Variants in SLC6A3 observed in about 807,000 individuals in gnomAD.
The protein encoded by SLC6A3 is sodium-dependent dopamine transporter.
SLC6A3 carries 19 observed loss-of-function variants against 70.4 expected under a neutral mutation model. The observed-to-expected ratio is 0.27, with a 90% CI of 0.19 to 0.40. The LOEUF is 0.40. SLC6A3 is among the 10% of genes least tolerant of loss of function. The pLI is 1.00. For synonymous variants in SLC6A3, 368 were observed against 356.6 expected, an observed-to-expected ratio of 1.03 and a Z score of -0.36; for missense variants, 613 against 838.5, an observed-to-expected ratio of 0.73 and a Z score of 3.32.
In SLC6A3 at chr5:1,406,274, T is replaced by TGAGGGA; in HGVS notation, c.1512_1513insTCCCTC (p.Ser505_Asp506insLeuSer). 1 of 1,612,902 alleles carries TGAGGGA rather than the reference T, an allele frequency of 6.2e-7. No individual in the cohort carries two copies. Among genetic ancestry groups the TGAGGGA allele is most frequent in the Non-Finnish European group, 8.5e-7 (1 of 1,179,920 alleles). ...CCGGTCATCTGCTGGATGTCGTCGCTGAACTGCCCAACACCTGAGGGAGAA... is the reference window on the plus strand; with the variant it reads ...CCGGTCATCTGCTGGATGTCGTCGCTGAGGGAGAACTGCCCAACACCTGAGGGAGAA... On this transcript the variant is annotated inframe_insertion, in exon 12 of 15. Transcript: ENST00000270349. The surrounding 1 kb of genome is among the most constrained non-coding windows in gnomAD (Gnocchi z 8.8).
intron 3 of SLC6A3, among the ~76,000 whole-genome samples, chr5:1,434,467 A>G (rs1367550512): frequency 1.3e-5 from 2 of 152,252 alleles, no homozygotes. Context: ...GTAAACTGGA[A>G]CAGAACTCAG....
Position 1,436,271 on chromosome 5 carries a change from C to T in SLC6A3, c.419-3573G>A, listed in dbSNP as rs1465338154. 5.9e-5 allele frequency among the ~76,000 whole-genome samples: 9 copies of T among 152,238 alleles called. No homozygotes were observed. The highest frequency in any genetic ancestry group is 2.1e-4 in the South Asian group (1 of 4,832). On this transcript the variant is annotated intron_variant, in intron 3 of 14. Transcript: ENST00000270349. This position sits in a 1 kb window ranked among gnomAD's most constrained non-coding sequence, Gnocchi z 5.2. ...TCCTCAAGCTCACCGAAGGCCCAGA[C>T]GCAGGAAACCCACTACCCTGTTGGC...
At position 1,441,278 on chromosome 5, in the gene SLC6A3, C is replaced by T. The variant is rs147416541; in HGVS notation, c.418+81G>A. The T allele has an allele frequency of 9.7e-4, 1,525 of 1,566,352 alleles. 4 individuals are homozygous for T. The highest frequency in any genetic ancestry group is 2.4e-3 in the Middle Eastern group (12 of 5,066). ...AAAGCAGGGCTGGATGCCCATGATGCGGCTGGCTTGCTTTGAAAGCTCCAG... is the reference window on the plus strand; with the variant it reads ...AAAGCAGGGCTGGATGCCCATGATGTGGCTGGCTTGCTTTGAAAGCTCCAG... On this transcript the variant is annotated intron_variant, in intron 3 of 14. Transcript: ENST00000270349.
intron 4 of SLC6A3, among the ~76,000 whole-genome samples, chr5:1,424,867 G>C (rs1006824202): frequency 2.6e-5 from 4 of 152,230 alleles, no homozygotes; most frequent in African/African-American, 9.6e-5. Context: ...GGACACTCCT[G>C]AGTGCTGTCA....
At chr5:1,400,850 G>A in intron 14 of SLC6A3, 65 bp downstream of exon 14, 1 of 1,259,114 alleles carries the variant, frequency 7.9e-7, no homozygotes, top group Non-Finnish European at 1.1e-6. Flanking sequence ...TGGGGGCTAA[G>A]AACACTGAGC....
chr5:1,427,323 G>T (rs1266397474), intron 4 of SLC6A3, among the ~76,000 whole-genome samples: 1 of 152,234 alleles, frequency 6.6e-6, no homozygotes, highest in African/African-American at 2.4e-5. Context: ...ACGGTATCAT[G>T]TCACTTGAAG....
At chr5:1,430,168 C>T (rs578228270) in intron 4 of SLC6A3, among the ~76,000 whole-genome samples, 2 of 152,102 alleles carry the variant, frequency 1.3e-5, no homozygotes, top group Admixed American at 6.6e-5. Flanking sequence ...CTCCCATGAG[C>T]GTCTTCCTGG....
rs115282473 is a variant in SLC6A3 at position 1,414,729 on chromosome 5, T to C, written c.1118A>G (p.Gln373Arg). The C allele has an allele frequency of 4.3e-5, 69 of 1,612,798 alleles. No homozygotes were observed. In the African/African-American group the frequency reaches 8.3e-4, roughly 19 times the overall value. The part of the protein sequence containing the change: ...VVFSFLGYMA[Q>R]KHSVPIGDVA... The stretch of plus-strand genomic sequence containing the variant: ...GTCCCCGATGGGCACACTGTGCTTC[T>C]GTGCCATGTACCCCAGGAAGGAGAA... Residue 373 changes from glutamine to arginine, a missense_variant, in exon 8 of 15, where the codon CAG (glutamine) becomes CGG (arginine). Gln to Arg is a conservative substitution (Grantham distance 43). This residue lies in a region of SLC6A3 where 348 missense variants were observed against 481.2 expected (regional missense o/e 0.72). Coordinates refer to ENST00000270349, the MANE Select transcript of SLC6A3 (RefSeq NM_001044.5).
chr5:1,444,572 G>A (rs956359359), intron 1 of SLC6A3, among the ~76,000 whole-genome samples: 1 of 152,240 alleles, frequency 6.6e-6, no homozygotes, highest in Non-Finnish European at 1.5e-5. Flanking sequence ...CACGAGCTAT[G>A]CCACGCACCC....
rs965701004 is a variant in SLC6A3 at position 1,402,745 on chromosome 5, C to T, written c.1767+177G>A. Among the ~76,000 whole-genome samples, 3 of 152,110 alleles carry T rather than the reference C, an allele frequency of 2.0e-5. No individual in the cohort carries two copies. Among genetic ancestry groups the T allele is most frequent in the South Asian group, 2.1e-4 (1 of 4,828 alleles). On this transcript the variant is annotated intron_variant, in intron 13 of 14. Transcript: ENST00000270349. This position sits in a 1 kb window ranked among gnomAD's most constrained non-coding sequence, Gnocchi z 8.5. The stretch of plus-strand genomic sequence containing the variant: ...ACATATGGACGCACACCCATGGGCC[C>T]GGGCGTGCAGGTGGACACACACACG...
intron 4 of SLC6A3, among the ~76,000 whole-genome samples, chr5:1,423,942 C>T (rs1269993924): frequency 6.6e-6 from 1 of 152,208 alleles, no homozygotes; most frequent in African/African-American, 2.4e-5. Flanking sequence ...CATGGTGGAG[C>T]CCGGCCGAAT....
chr5:1,440,211 CAGAT>C (rs1336676767), intron 3 of SLC6A3, among the ~76,000 whole-genome samples: 3 of 151,496 alleles, frequency 2.0e-5, no homozygotes, highest in Non-Finnish European at 2.9e-5. Flanking sequence ...CAATGGATAA[CAGAT>C]GGATGAATGG....
In SLC6A3 at chr5:1,404,109, T is replaced by C. The variant is rs747025070; in HGVS notation, c.1600-1020A>G. Among the ~76,000 whole-genome samples the C allele has an allele frequency of 2.7e-4, 41 of 152,376 alleles. No individual in the cohort carries two copies. Among genetic ancestry groups the C allele is most frequent in the Admixed American group, 8.5e-4 (13 of 15,308 alleles). On this transcript the variant is annotated intron_variant, in intron 12 of 14. Coordinates refer to ENST00000270349, the MANE Select transcript of SLC6A3 (RefSeq NM_001044.5). The surrounding 1 kb of genome is among the most constrained non-coding windows in gnomAD (Gnocchi z 5.2). ...CCTCAATTTCAGAAAAGTTAAAACATCCAAGCCTTCCACCTGAAAAGCATG... is the reference window on the plus strand; with the variant it reads ...CCTCAATTTCAGAAAAGTTAAAACACCCAAGCCTTCCACCTGAAAAGCATG...
intron 4 of SLC6A3, 59 bp from the exon 5 acceptor site, chr5:1,422,073 A>T: frequency 5.7e-6 from 9 of 1,577,176 alleles, no homozygotes; most frequent in Non-Finnish European, 7.8e-6. Flanking sequence ...CTGGAACTGG[A>T]CGGCTGAGCT....
At position 1,413,699 on chromosome 5, in the gene SLC6A3, A is replaced by T. The variant is rs988105760; in HGVS notation, c.1156+992T>A. Among the ~76,000 whole-genome samples the T allele has an allele frequency of 5.3e-5, 8 of 152,002 alleles. No individual in the cohort carries two copies. Among genetic ancestry groups the T allele is most frequent in the Admixed American group, 2.0e-4 (3 of 15,274 alleles). ...TGTCTGGAGCGAAAGGGCCTCCTCC[A>T]CATCCATGTGGCAGAGCAGGCCGGG... On this transcript the variant is annotated intron_variant, in intron 8 of 14. Transcript: ENST00000270349. The surrounding 1 kb of genome is among the most constrained non-coding windows in gnomAD (Gnocchi z 7.1).
Position 1,430,431 on chromosome 5 carries a change from C to T in SLC6A3, c.653+2033G>A, listed in dbSNP as rs184426967. On this transcript the variant is annotated intron_variant, in intron 4 of 14. Transcript: ENST00000270349. ...AGTCCCGGCAATATGCTTCCATGCC[C>T]GAGGAGGAATTCTAGAACCAAGCAC... is the stretch of plus-strand genomic sequence containing the variant. 8.3e-4 allele frequency among the ~76,000 whole-genome samples: 127 copies of T among 152,318 alleles called. 1 individual carries two copies. Among genetic ancestry groups the T allele is most frequent in the African/African-American group, 3.0e-3 (124 of 41,554 alleles).
intron 3 of SLC6A3, among the ~76,000 whole-genome samples, chr5:1,434,045 C>A (rs1756773088): frequency 6.6e-6 from 1 of 152,288 alleles, no homozygotes; most frequent in Non-Finnish European, 1.5e-5. Context: ...CCATCCATAG[C>A]CATCTATGGC....
Position 1,443,148 on chromosome 5 carries a change from G to A in SLC6A3, c.50C>T (p.Pro17Leu), listed in dbSNP as rs369923764. The stretch of plus-strand genomic sequence containing the variant: ...GCCCACGGCATTGGGCTCCTTAGCC[G>A]GGGCCACCACGGAAGACATGAGTCC... ...SVGLMSSVVA[P>L]AKEPNAVGPK... Residue 17 changes from proline to leucine, a missense_variant, in exon 2 of 15, where the codon CCG (proline) becomes CTG (leucine). By Grantham distance (98) the Pro-to-Leu change is moderately conservative. Transcript: ENST00000270349. 1.5e-5 allele frequency: 24 copies of A among 1,614,098 alleles called. No homozygotes were observed. The highest frequency in any genetic ancestry group is 6.7e-5 in the African/African-American group (5 of 74,954).
In SLC6A3 at chr5:1,438,812, G is replaced by A. The variant is rs778440983; in HGVS notation, c.418+2547C>T. ...GGGTGGCTCTTGAAAATCCAGCAAA[G>A]CACAGTTGGATGTCGCTGCAGCCTG... On this transcript the variant is annotated intron_variant, in intron 3 of 14. Transcript: ENST00000270349. The surrounding 1 kb of genome is among the most constrained non-coding windows in gnomAD (Gnocchi z 6.5). 3.3e-5 allele frequency among the ~76,000 whole-genome samples: 5 copies of A among 152,188 alleles called. No homozygotes were observed. The highest frequency in any genetic ancestry group is 4.4e-5 in the Non-Finnish European group (3 of 68,034).
Sources: gnomAD v4.1 joint callset for allele counts (sites outside exome capture counted in the v4.1 genomes callset) on GRCh38, gnomAD v4.1.1 for gene constraint, gnomAD v4.1.1 regional missense constraint, Gnocchi (gnomAD v3.1) non-coding constraint, MANE v1.5 for transcripts, NCBI Gene and HGNC (gene_info 2026-07-23, HGNC 2026-07-21) for gene names.